CLDN10: variants seen among roughly 807,000 people sequenced by gnomAD.
CLDN10 encodes the protein claudin-10.
In CLDN10, 15 loss-of-function variants were observed where a neutral mutation model predicts 22.9. The ratio of observed to expected loss-of-function variants is 0.65; its 90% CI spans 0.44 to 1.01. The LOEUF is 1.01. CLDN10 is among the 50% of genes least tolerant of loss of function. The probability of loss-of-function intolerance (pLI) is 0.00; values close to 1 mark genes in which losing one functional copy is unlikely to be tolerated. For synonymous variants in CLDN10, 114 were observed against 111.4 expected (o/e 1.02, Z -0.15); for missense variants, 247 against 287.8 (o/e 0.86, Z 1.03).
intron 1 of CLDN10, among the ~76,000 whole-genome samples, chr13:95,459,413 C>T (rs903827073): frequency 6.6e-6 from 1 of 152,236 alleles, no homozygotes; most frequent in Non-Finnish European, 1.5e-5. Flanking sequence ...TCCTGGACAT[C>T]TGGGCATTTC....
At position 95,442,212 on chromosome 13, in the gene CLDN10, C is replaced by T. The variant is rs191227520; in HGVS notation, c.214+8165C>T. On this transcript the variant is annotated intron_variant, in intron 1 of 4. Coordinates refer to the CLDN10 transcript ENST00000376873. ...GTCTTATGTAGTACCAGACACAAGG[C>T]TCTCCATAAAGAGTGGCGATTATGT... is the stretch of plus-strand genomic sequence containing the variant. Among the ~76,000 whole-genome samples the T allele has an allele frequency of 5.9e-5, 9 of 152,286 alleles. No individual in the cohort carries two copies. The East Asian group carries it at 1.5e-3, about 26-fold the overall frequency.
At chr13:95,440,635 A>G (rs1239405978) in intron 1 of CLDN10, among the ~76,000 whole-genome samples, 2 of 152,240 alleles carry the variant, frequency 1.3e-5, no homozygotes, top group Non-Finnish European at 2.9e-5. Context: ...GATATTGCAC[A>G]GCTGCATTCC....
At chr13:95,551,332 C>A (rs1042275007), upstream of CLDN10, among the ~76,000 whole-genome samples, 5 of 152,202 alleles carry the variant, frequency 3.3e-5, no homozygotes, top group African/African-American at 9.7e-5. Context: ...ATGCACTGAA[C>A]TGCTGGTCCT....
rs548869086 is a variant in CLDN10 at position 95,457,474 on chromosome 13, G to A, written c.214+23427G>A. Reference sequence around the variant, plus strand: ...TTCTGTGCAGTCTTGGGAACTGACAGAGCAGTTGTGGTTATCTGTTTGACC... The same window carrying A: ...TTCTGTGCAGTCTTGGGAACTGACAAAGCAGTTGTGGTTATCTGTTTGACC... On this transcript the variant is annotated intron_variant, in intron 1 of 4. Transcript: ENST00000376873. Among the ~76,000 whole-genome samples the A allele has an allele frequency of 1.8e-4, 28 of 152,218 alleles. No homozygotes were observed. In the South Asian group the frequency reaches 5.8e-3, roughly 32 times the overall value.
At chr13:95,542,451 T>C (rs2043468963) in intron 1 of CLDN10, among the ~76,000 whole-genome samples, 1 of 152,246 alleles carries the variant, frequency 6.6e-6, no homozygotes, top group Admixed American at 6.5e-5. Context: ...ACAAGTACGG[T>C]TCATCTTTGG....
At chr13:95,461,238 G>A (rs1349752043) in intron 1 of CLDN10, among the ~76,000 whole-genome samples, 2 of 152,178 alleles carry the variant, frequency 1.3e-5, no homozygotes, top group Non-Finnish European at 2.9e-5. Context: ...GAGCCACCAT[G>A]CCCAGCCTTG....
At chr13:95,561,474 A>G (rs2043711654) in intron 3 of CLDN10, among the ~76,000 whole-genome samples, 1 of 152,206 alleles carries the variant, frequency 6.6e-6, no homozygotes. Flanking sequence ...ACCAGGAGCC[A>G]AGCAGAGCAC....
At chr13:95,453,006 T>C (rs2139079877) in intron 1 of CLDN10, among the ~76,000 whole-genome samples, 1 of 152,364 alleles carries the variant, frequency 6.6e-6, no homozygotes, top group East Asian at 1.9e-4. Context: ...AACTTCAATG[T>C]ACAGGTCTTG....
intron 1 of CLDN10, among the ~76,000 whole-genome samples, chr13:95,542,916 C>T (rs1171009570): frequency 1.3e-5 from 2 of 152,052 alleles, no homozygotes; most frequent in Non-Finnish European, 2.9e-5. Flanking sequence ...AAAGCAAACA[C>T]CAGTATATAT....
upstream of CLDN10, chr13:95,552,601 G>A: frequency 1.1e-6 from 1 of 931,726 alleles, no homozygotes; most frequent in Non-Finnish European, 1.5e-6. Context: ...GTGAGGGGTC[G>A]CGTGCGCCCC....
chr13:95,438,973 CGCAAAAA>C (rs2042297908), intron 1 of CLDN10, among the ~76,000 whole-genome samples: 1 of 87,716 alleles, frequency 1.1e-5, no homozygotes, highest in African/African-American at 4.7e-5. Flanking sequence ...AAGACTCCAT[CGCAAAAA>C]AAAAAAAAAA....
intron 1 of CLDN10, among the ~76,000 whole-genome samples, chr13:95,441,168 T>G (rs529354781): frequency 6.6e-6 from 1 of 152,372 alleles, no homozygotes; most frequent in East Asian, 1.9e-4. Context: ...AGAGGGAATC[T>G]CTTCTCATGT....
rs145545348 is a variant in CLDN10, at chr13:95,531,505, A to C, written c.215-28627A>C. Among the ~76,000 whole-genome samples, 1,201 of 152,140 alleles carry C rather than the reference A, an allele frequency of 7.9e-3. 19 individuals carry two copies. Among genetic ancestry groups the C allele is most frequent in the African/African-American group, 0.026 (1,086 of 41,482 alleles). ...AGGATGTAAAATTTAAATTAAAAGA[A>C]GGAAACTTTTGGATGTTGATTGCTC... On this transcript the variant is annotated intron_variant, in intron 1 of 4. Coordinates refer to the CLDN10 transcript ENST00000376873.
chr13:95,540,562 A>G (rs920016331), intron 1 of CLDN10, among the ~76,000 whole-genome samples: 2 of 152,210 alleles, frequency 1.3e-5, no homozygotes, highest in African/African-American at 4.8e-5. Context: ...TTTAGTTGTT[A>G]ATATGCATTA....
At chr13:95,491,607 C>A (rs143695131) in intron 1 of CLDN10, among the ~76,000 whole-genome samples, 1 of 152,048 alleles carries the variant, frequency 6.6e-6, no homozygotes, top group African/African-American at 2.4e-5. Context: ...TGGGCTTCTC[C>A]TTTCTCTGGT....
intron 1 of CLDN10, among the ~76,000 whole-genome samples, chr13:95,503,940 T>C (rs543920548): frequency 1.3e-5 from 2 of 152,334 alleles, no homozygotes; most frequent in Non-Finnish European, 2.9e-5. Context: ...TTAACACTAC[T>C]GAACTGTACA....
At chr13:95,496,466 A>G (rs1049724037) in intron 1 of CLDN10, among the ~76,000 whole-genome samples, 1 of 152,240 alleles carries the variant, frequency 6.6e-6, no homozygotes, top group African/African-American at 2.4e-5. Flanking sequence ...ATTAAAAAGC[A>G]CTACCCCTTG....
At chr13:95,471,597 C>A (rs146748432) in intron 1 of CLDN10, among the ~76,000 whole-genome samples, 1 of 151,156 alleles carries the variant, frequency 6.6e-6, no homozygotes, top group Non-Finnish European at 1.5e-5. Context: ...GGATTACAGT[C>A]GCTCACCACC....
At chr13:95,488,950 C>CTTTTTT (rs58919737) in intron 1 of CLDN10, among the ~76,000 whole-genome samples, 7 of 110,750 alleles carry the variant, frequency 6.3e-5, no homozygotes, top group Admixed American at 1.0e-4. Flanking sequence ...ACTTTTTGTT[C>CTTTTTT]TTTTTTTTTT....
Sources: allele counts gnomAD v4.1 joint callset (sites outside exome capture counted in the v4.1 genomes callset), GRCh38; gene constraint gnomAD v4.1.1; transcripts MANE v1.5; gene names NCBI Gene and HGNC (gene_info 2026-07-23, HGNC 2026-07-21).